SEMA3A: variants seen among roughly 807,000 people sequenced by gnomAD.
SEMA3A encodes the protein semaphorin-3A.
In SEMA3A, 29 loss-of-function variants were observed where a neutral mutation model predicts 97.9. That is an observed-to-expected ratio of 0.30 (90% CI 0.22 to 0.40). The LOEUF (loss-of-function observed/expected upper bound fraction) is 0.40, where lower values mean the gene tolerates loss of function less well. Ranked by LOEUF, SEMA3A falls within the 10% of genes least tolerant of loss-of-function variation. The probability of loss-of-function intolerance (pLI) is 1.00; values close to 1 mark genes in which losing one functional copy is unlikely to be tolerated. For missense variants in SEMA3A, 763 were observed against 951.3 expected, an observed-to-expected ratio of 0.80 and a Z score of 2.60; for synonymous variants, 321 against 323.7, an observed-to-expected ratio of 0.99 and a Z score of 0.09.
chr7:84,034,228 C>T lies in SEMA3A; in HGVS notation c.667+12096G>A, dbSNP rs564258512. Among the ~76,000 whole-genome samples, 8 of 152,230 alleles carry T rather than the reference C, an allele frequency of 5.3e-5. No individual in the cohort carries two copies. The South Asian group carries it at 1.5e-3, about 28-fold the overall frequency. ...CGAACTACTGATCTCAAGGGATCCG[C>T]CTGCCTCGGCCTCCCGAATTACTGA... is the stretch of plus-strand genomic sequence containing the variant. On this transcript the variant is annotated intron_variant, in intron 6 of 16. Coordinates refer to ENST00000265362, the MANE Select transcript of SEMA3A (RefSeq NM_006080.3).
At chr7:84,451,419 C>G (rs1393751778) in intron 1 of SEMA3A, among the ~76,000 whole-genome samples, 1 of 152,154 alleles carries the variant, frequency 6.6e-6, no homozygotes, top group African/African-American at 2.4e-5. Flanking sequence ...GCCCAGCTAT[C>G]ACAAATAACT....
chr7:84,303,489 AAATTAAGT>A (rs1023610319), intron 3 of SEMA3A, among the ~76,000 whole-genome samples: 17 of 152,150 alleles, frequency 1.1e-4, no homozygotes, highest in Non-Finnish European at 2.2e-4. Flanking sequence ...CTGAAAATCA[AAATTAAGT>A]AACAATTAGT....
chr7:84,029,565 C>T (rs1204956893), intron 6 of SEMA3A, among the ~76,000 whole-genome samples: 5 of 152,074 alleles, frequency 3.3e-5, no homozygotes, highest in Non-Finnish European at 7.4e-5. Flanking sequence ...ACAGATGCTT[C>T]TTTGCATTAG....
At chr7:84,179,877 TACAA>T (rs1160197556) in intron 1 of SEMA3A, among the ~76,000 whole-genome samples, 8 of 148,574 alleles carry the variant, frequency 5.4e-5, no homozygotes, top group African/African-American at 7.5e-5. Flanking sequence ...AACAACAACA[TACAA>T]ACACTCACAT....
At position 84,134,790 on chromosome 7, in the gene SEMA3A, A is replaced by T. The variant is rs1353141494; in HGVS notation, c.270+4T>A. On this transcript the variant is annotated splice_donor_region_variant and intron_variant, in intron 2 of 16. Coordinates refer to ENST00000265362, the MANE Select transcript of SEMA3A (RefSeq NM_006080.3). ...CTATAGTGCATATATTAGAATACTG[A>T]TACCTTTTGAAAATCCTTGATATTA... is the stretch of plus-strand genomic sequence containing the variant. The T allele has an allele frequency of 6.2e-7, 1 of 1,603,262 alleles. No individual in the cohort carries two copies. Among genetic ancestry groups the T allele is most frequent in the Admixed American group, 1.7e-5 (1 of 59,156 alleles).
chr7:84,413,052 C>A (rs940305582), intron 1 of SEMA3A, among the ~76,000 whole-genome samples: 7 of 152,098 alleles, frequency 4.6e-5, no homozygotes, highest in African/African-American at 1.7e-4. Context: ...CTTTCATCAA[C>A]AAATGCAACA....
intron 1 of SEMA3A, among the ~76,000 whole-genome samples, chr7:84,379,270 G>T (rs1344527472): frequency 2.0e-5 from 3 of 152,112 alleles, no homozygotes; most frequent in Admixed American, 2.0e-4. Flanking sequence ...TAATGAAACG[G>T]AGGAAGCCTT....
At position 84,459,932 on chromosome 7, in the gene SEMA3A, T is replaced by C. The variant is rs1805781838; in HGVS notation, c.-246+32528A>G. 2.6e-5 allele frequency among the ~76,000 whole-genome samples: 4 copies of C among 152,204 alleles called. 1 individual carries two copies. The highest frequency in any genetic ancestry group is 9.6e-5 in the African/African-American group (4 of 41,550). ...GTTCTAGCTACTCAGAAATCTGAGA[T>C]GGGAAGATCGCTTGAGTCTGGGAGG... On this transcript the variant is annotated intron_variant, in intron 1 of 3. Coordinates refer to the SEMA3A transcript ENST00000424555.
rs1242061880 is a variant in SEMA3A, at chr7:84,050,246, G to C, written c.548-3803C>G. Reference sequence around the variant, plus strand: ...TATATGCCCAGTAATGGGATGGCTGGGTCAAATGGTATTTCTAGATCTCTG... The same window carrying C: ...TATATGCCCAGTAATGGGATGGCTGCGTCAAATGGTATTTCTAGATCTCTG... On this transcript the variant is annotated intron_variant, in intron 5 of 16. Coordinates refer to ENST00000265362, the MANE Select transcript of SEMA3A (RefSeq NM_006080.3). 8.6e-5 allele frequency among the ~76,000 whole-genome samples: 13 copies of C among 152,026 alleles called. No individual in the cohort carries two copies. The South Asian group carries it at 1.9e-3, about 22-fold the overall frequency.
chr7:84,281,683 A>G (rs1800443381), intron 3 of SEMA3A, among the ~76,000 whole-genome samples: 1 of 152,196 alleles, frequency 6.6e-6, no homozygotes, highest in Non-Finnish European at 1.5e-5. Context: ...CAGACTCTGT[A>G]GCTACATTCA....
chr7:84,405,021 C>T (rs1466942229), intron 1 of SEMA3A, among the ~76,000 whole-genome samples: 9 of 152,098 alleles, frequency 5.9e-5, no homozygotes, highest in Non-Finnish European at 1.2e-4. Flanking sequence ...AACATAATGA[C>T]AGGATCAAAT....
chr7:84,448,892 T>G (rs1256749077), intron 1 of SEMA3A, among the ~76,000 whole-genome samples: 1 of 152,122 alleles, frequency 6.6e-6, no homozygotes, highest in Admixed American at 6.6e-5. Flanking sequence ...ACTTTCTGAT[T>G]ACAAAATGTA....
chr7:84,092,025 T>C (rs1220428471), intron 4 of SEMA3A, among the ~76,000 whole-genome samples: 1 of 152,198 alleles, frequency 6.6e-6, no homozygotes, highest in Non-Finnish European at 1.5e-5. Context: ...ACTCTATCAG[T>C]ATCAGAGTAT....
chr7:84,130,513 C>T (rs2074544724), intron 2 of SEMA3A, among the ~76,000 whole-genome samples: 2 of 151,972 alleles, frequency 1.3e-5, no homozygotes, highest in Admixed American at 1.3e-4. Flanking sequence ...TTCACATTTG[C>T]CTGCATATGT....
At position 84,312,587 on chromosome 7, in the gene SEMA3A, A is replaced by G. The variant is rs73386906; in HGVS notation, c.-168-5295T>C. On this transcript the variant is annotated intron_variant, in intron 2 of 3. Transcript: ENST00000424555. ...TAATATATACACATTATTTACATGTATATATACCTTATGAAACATACAGTA... is the reference window on the plus strand; with the variant it reads ...TAATATATACACATTATTTACATGTGTATATACCTTATGAAACATACAGTA... Among the ~76,000 whole-genome samples, 1,502 of 151,368 alleles carry G rather than the reference A, an allele frequency of 9.9e-3. 34 individuals are homozygous for G. The highest frequency in any genetic ancestry group is 0.035 in the African/African-American group (1,435 of 41,366).
At chr7:84,224,460 C>T (rs1446027558) in intron 3 of SEMA3A, among the ~76,000 whole-genome samples, 3 of 151,824 alleles carry the variant, frequency 2.0e-5, no homozygotes. Flanking sequence ...GGTAAACACA[C>T]CAAAGGGTAA....
At chr7:84,046,844 T>G (rs1391304481) in intron 5 of SEMA3A, among the ~76,000 whole-genome samples, 1 of 152,110 alleles carries the variant, frequency 6.6e-6, no homozygotes, top group Non-Finnish European at 1.5e-5. Flanking sequence ...AATATCCTTA[T>G]AACGTAGGGT....
intron 14 of SEMA3A, among the ~76,000 whole-genome samples, chr7:83,980,897 C>T (rs1201606830): frequency 6.6e-6 from 1 of 151,768 alleles, no homozygotes; most frequent in Admixed American, 6.6e-5. Context: ...GAAATAAATT[C>T]TTCTGGACTT....
intron 2 of SEMA3A, among the ~76,000 whole-genome samples, chr7:84,343,227 G>A (rs1802215849): frequency 6.6e-6 from 1 of 152,148 alleles, no homozygotes; most frequent in Non-Finnish European, 1.5e-5. Flanking sequence ...TTGAGGAGTA[G>A]AGGCAGAAAG....
Sources: allele counts gnomAD v4.1 joint callset (sites outside exome capture counted in the v4.1 genomes callset), GRCh38; gene constraint gnomAD v4.1.1; transcripts MANE v1.5; gene names NCBI Gene and HGNC (gene_info 2026-07-23, HGNC 2026-07-21).